The following KCNK1 variants were observed in gnomAD, a reference collection of about 807,000 sequenced individuals.
KCNK1 encodes potassium two pore domain channel subfamily K member 1, also known as potassium channel subfamily K member 1.
In KCNK1, 10 loss-of-function variants were observed where a neutral mutation model predicts 22.2. The ratio of observed to expected loss-of-function variants is 0.45; its 90% confidence interval spans 0.28 to 0.76. The LOEUF is 0.76. KCNK1 is among the 30% of genes least tolerant of loss of function. The pLI is 0.14. For missense variants in KCNK1, 378 were observed against 421.0 expected (o/e 0.90, Z 0.89); for synonymous variants, 200 against 186.4 (o/e 1.07, Z -0.60).
chr1:233,668,400 C>A (rs1336673420), intron 2 of KCNK1, among the ~76,000 whole-genome samples: 4 of 152,192 alleles, frequency 2.6e-5, no homozygotes, highest in African/African-American at 7.2e-5. Flanking sequence ...ATGCTTTGAA[C>A]AGTGCCTGGC....
chr1:233,657,316 C>T (rs967835022), intron 1 of KCNK1, among the ~76,000 whole-genome samples: 6 of 152,016 alleles, frequency 3.9e-5, no homozygotes, highest in African/African-American at 9.7e-5. Flanking sequence ...CTTATGTTTT[C>T]GAAATGTGAC....
At chr1:233,638,786 C>A (rs915998745) in intron 1 of KCNK1, among the ~76,000 whole-genome samples, 1 of 152,088 alleles carries the variant, frequency 6.6e-6, no homozygotes, top group Admixed American at 6.5e-5. Flanking sequence ...TGCAGGGAAA[C>A]GTTTTATGCC....
At chr1:233,641,613 G>A (rs986684738) in intron 1 of KCNK1, among the ~76,000 whole-genome samples, 12 of 152,150 alleles carry the variant, frequency 7.9e-5, no homozygotes, top group African/African-American at 2.9e-4. Context: ...GGCACTTCCT[G>A]GCTTGCCATT....
intron 1 of KCNK1, among the ~76,000 whole-genome samples, chr1:233,634,322 A>C (rs868665017): frequency 0.014 from 2,137 of 150,916 alleles, 17 homozygotes; most frequent in Middle Eastern, 0.037. Context: ...CAACAACAAA[A>C]AAAAAAAAAA....
chr1:233,642,865 C>A (rs987307807), intron 1 of KCNK1, among the ~76,000 whole-genome samples: 5 of 151,698 alleles, frequency 3.3e-5, no homozygotes, highest in African/African-American at 1.2e-4. Context: ...GCCTCCTGGG[C>A]TTGAACGATT....
intron 1 of KCNK1, among the ~76,000 whole-genome samples, chr1:233,641,147 CTATG>C (rs1439928144): frequency 6.6e-6 from 1 of 152,204 alleles, no homozygotes; most frequent in Non-Finnish European, 1.5e-5. Context: ...GGAAGACTTT[CTATG>C]TAGGACACTC....
Position 233,649,888 on chromosome 1 carries a change from G to T in KCNK1, c.356-16707G>T, listed in dbSNP as rs990947647. 6 of 518,384 alleles carry T rather than the reference G, an allele frequency of 1.2e-5. No individual in the cohort carries two copies. The Admixed American group carries it at 1.2e-4, about 11-fold the overall frequency. The allele number at this position is 518,384 out of a possible 1,614,324, so 32.1% of individuals were successfully genotyped here. A position where few individuals can be genotyped will look rare whatever the true frequency, so the allele number is the denominator to read the frequency against. The stretch of plus-strand genomic sequence containing the variant: ...CAGCAAATGGATATCTTTAAGAACA[G>T]GATTCTAGGTCTAGAACACCATCCT... On this transcript the variant is annotated intron_variant, in intron 1 of 2. Transcript: ENST00000366621.
chr1:233,650,214 A>G (rs1202356117), intron 1 of KCNK1, among the ~76,000 whole-genome samples: 2 of 152,138 alleles, frequency 1.3e-5, no homozygotes, highest in Non-Finnish European at 2.9e-5. Flanking sequence ...GTTTGCAATG[A>G]GGGGAGTAAG....
chr1:233,631,875 C>T (rs990773102), intron 1 of KCNK1, among the ~76,000 whole-genome samples: 8 of 152,064 alleles, frequency 5.3e-5, no homozygotes, highest in Non-Finnish European at 1.2e-4. Flanking sequence ...GAGTTTCATC[C>T]GGAAATGTCC....
At chr1:233,670,685 T>C (rs542024225) in intron 2 of KCNK1, among the ~76,000 whole-genome samples, 16 of 148,340 alleles carry the variant, frequency 1.1e-4, no homozygotes, top group African/African-American at 4.2e-4. Flanking sequence ...ATGATTCAAC[T>C]ACCTCCCACC....
intron 1 of KCNK1, among the ~76,000 whole-genome samples, chr1:233,660,280 C>A (rs1182950039): frequency 3.9e-5 from 6 of 152,126 alleles, no homozygotes; most frequent in African/African-American, 1.2e-4. Context: ...GGTATCTCTG[C>A]AATTAGATAT....
At chr1:233,654,030 C>T (rs1371692153) in intron 1 of KCNK1, among the ~76,000 whole-genome samples, 1 of 151,982 alleles carries the variant, frequency 6.6e-6, no homozygotes, top group Non-Finnish European at 1.5e-5. Context: ...CTGGTGAAGG[C>T]TCAGAAAGAA....
At chr1:233,661,154 C>G (rs768284098) in intron 1 of KCNK1, among the ~76,000 whole-genome samples, 15 of 152,200 alleles carry the variant, frequency 9.9e-5, no homozygotes, top group Non-Finnish European at 1.9e-4. Context: ...AACCTACCTC[C>G]TCAGACTGAT....
intron 1 of KCNK1, among the ~76,000 whole-genome samples, chr1:233,659,449 A>G (rs1658354055): frequency 6.6e-6 from 1 of 150,428 alleles, no homozygotes; most frequent in Non-Finnish European, 1.5e-5. Flanking sequence ...AAAAAATGTC[A>G]AATGTAAACC....
intron 1 of KCNK1, among the ~76,000 whole-genome samples, chr1:233,626,084 C>G (rs1657683780): frequency 6.6e-6 from 1 of 151,572 alleles, no homozygotes; most frequent in African/African-American, 2.4e-5. Flanking sequence ...GAGGCTGAGA[C>G]TAAAAGGAGG....
intron 1 of KCNK1, among the ~76,000 whole-genome samples, chr1:233,622,520 G>A (rs1657607460): frequency 6.6e-6 from 1 of 152,170 alleles, no homozygotes; most frequent in African/African-American, 2.4e-5. Context: ...GACTCAGTCT[G>A]TACTCTGACT....
At chr1:233,640,073 T>C (rs536994168) in intron 1 of KCNK1, among the ~76,000 whole-genome samples, 1 of 152,348 alleles carries the variant, frequency 6.6e-6, no homozygotes, top group East Asian at 1.9e-4. Flanking sequence ...AGAATTCTTT[T>C]CTCCAAATGA....
intron 1 of KCNK1, among the ~76,000 whole-genome samples, chr1:233,652,273 A>C (rs1658213621): frequency 6.6e-6 from 1 of 152,146 alleles, no homozygotes; most frequent in Non-Finnish European, 1.5e-5. Context: ...GGAAACATCC[A>C]GGGATTTCTT....
chr1:233,639,038 T>C (rs2102893892), intron 1 of KCNK1, among the ~76,000 whole-genome samples: 1 of 152,342 alleles, frequency 6.6e-6, no homozygotes, highest in South Asian at 2.1e-4. Context: ...TCCACATTTG[T>C]GCACCCATGT....
Sources: allele counts gnomAD v4.1 joint callset (sites outside exome capture counted in the v4.1 genomes callset), GRCh38; gene constraint gnomAD v4.1.1; transcripts MANE v1.5; gene names NCBI Gene and HGNC (gene_info 2026-07-23, HGNC 2026-07-21).